The following PLXNA1 variants were observed in gnomAD, a reference collection of about 807,000 sequenced individuals.
PLXNA1 encodes the protein plexin-A1.
In PLXNA1, 77 loss-of-function variants were observed where a neutral mutation model predicts 191.7. That is an observed-to-expected ratio of 0.40 (90% CI 0.33 to 0.49). The LOEUF (loss-of-function observed/expected upper bound fraction) is 0.49. PLXNA1 is among the 20% of genes least tolerant of loss of function. The pLI, the probability that PLXNA1 is intolerant of heterozygous loss-of-function variation, is 0.63. For synonymous variants in PLXNA1, 1,137 were observed against 1,156.4 expected (o/e 0.98, Z 0.34); for missense variants, 2,110 against 2,660.2 (o/e 0.79, Z 4.55).
At chr3:127,008,881 G>A (rs1263817363) in intron 9 of PLXNA1, among the ~76,000 whole-genome samples, 2 of 152,202 alleles carry the variant, frequency 1.3e-5, no homozygotes, top group African/African-American at 4.8e-5. Context: ...ACAGGACAGC[G>A]GTGGAGGGTA....
chr3:127,008,019 G>T, intron 9 of PLXNA1, 106 bp downstream of exon 9: 1 of 672,704 alleles, frequency 1.5e-6, no homozygotes. Flanking sequence ...GAGCACCTGT[G>T]GATGTCTGGG....
At chr3:127,015,155 G>A (rs751714780) in intron 14 of PLXNA1, 29 bp from the exon 15 acceptor site, 4 of 1,595,106 alleles carry the variant, frequency 2.5e-6, no homozygotes, top group Middle Eastern at 3.3e-4. Context: ...ACTTTCCTGA[G>A]AGTTTCAGCA....
At chr3:126,999,522 C>T (rs1576673431) in intron 3 of PLXNA1, among the ~76,000 whole-genome samples, 4 of 152,326 alleles carry the variant, frequency 2.6e-5, no homozygotes, top group Admixed American at 6.5e-5. Context: ...GCGGCTGGGG[C>T]GCGTGCCGGT....
chr3:127,012,234 G>A lies in PLXNA1; in HGVS notation c.2313+76G>A, dbSNP rs185883539. The stretch of plus-strand genomic sequence containing the variant: ...TATCCTCACGGCCCTGGGTCCTGGC[G>A]TGTGCTTGTTCATAAAGGGCAGTGC... On this transcript the variant is annotated intron_variant, in intron 10 of 31. Coordinates refer to ENST00000393409, the MANE Select transcript of PLXNA1 (RefSeq NM_032242.4). 1,500 of 1,470,788 alleles carry A rather than the reference G, an allele frequency of 1.0e-3. 7 individuals carry two copies. In the African/African-American group the frequency reaches 0.014, roughly 14 times the overall value. The allele number at this position is 1,470,788 out of a possible 1,614,324, so 91.1% of individuals were successfully genotyped here.
intron 20 of PLXNA1, 75 bp from the exon 21 acceptor site, chr3:127,020,127 C>T (rs998332046): frequency 4.9e-5 from 76 of 1,562,924 alleles, no homozygotes; most frequent in Middle Eastern, 1.8e-4. Flanking sequence ...TGATGTAGGC[C>T]CCAAGAGTGG....
At position 127,030,272 on chromosome 3, in the gene PLXNA1, G is replaced by A. The variant is rs1347997261; in HGVS notation, c.5091G>A (p.Leu1697=). Residue 1697 remains leucine (L), a synonymous_variant, in exon 29 of 32, where the codon CTG becomes CTA. Transcript: ENST00000393409. ...KGTLQKFVDD[L]FETIFSTAHR... is the part of the protein sequence containing the mutation. Reference sequence around the variant, plus strand: ...CACTGCAGAAGTTTGTGGACGACCTGTTTGAGACCATCTTCAGCACGGCAC... The same window carrying A: ...CACTGCAGAAGTTTGTGGACGACCTATTTGAGACCATCTTCAGCACGGCAC... 1 of 1,613,828 alleles carries A rather than the reference G, an allele frequency of 6.2e-7. No individual in the cohort carries two copies. The highest frequency in any genetic ancestry group is 8.5e-7 in the Non-Finnish European group (1 of 1,179,998).
rs751146476 is a variant in PLXNA1 at position 127,014,166 on chromosome 3, G to T, written c.2411-16G>T. The T allele has an allele frequency of 5.0e-6, 8 of 1,611,798 alleles. No homozygotes were observed. Among genetic ancestry groups the T allele is most frequent in the South Asian group, 1.1e-5 (1 of 91,020 alleles). On this transcript the variant is annotated splice_polypyrimidine_tract_variant and intron_variant, in intron 11 of 31. Coordinates refer to ENST00000393409, the MANE Select transcript of PLXNA1 (RefSeq NM_032242.4). ...GGCAGTGGGCGGGCCCGAGCTGACC[G>T]CACCCCTCCCCACAGCGCACCTCTA... is the stretch of plus-strand genomic sequence containing the variant.
At chr3:127,027,007 G>A (rs1466187414) in intron 23 of PLXNA1, 1 of 159,122 alleles carries the variant, frequency 6.3e-6, no homozygotes, top group Non-Finnish European at 1.4e-5. Context: ...GAGCAGGCCA[G>A]GCAGCTCCCA....
rs749526180 is a variant in PLXNA1 at position 127,016,652 on chromosome 3, C to T, written c.3150C>T (p.Ile1050=). 1.9e-6 allele frequency: 3 copies of T among 1,614,042 alleles called. No individual in the cohort carries two copies. The East Asian group carries it at 6.7e-5, about 36-fold the overall frequency. ...ACAACTACACCGAGGACCCCACCAT[C>T]CTGAGGATCGACCCCGAGTGGAGCA... The part of the protein sequence containing the change: ...VKYNYTEDPT[I]LRIDPEWSIN... Residue 1050 remains isoleucine (I), a synonymous_variant, in exon 16 of 32, where the codon ATC becomes ATT. Transcript: ENST00000393409.
intron 8 of PLXNA1, among the ~76,000 whole-genome samples, chr3:127,007,079 T>G: frequency 6.7e-6 from 1 of 150,322 alleles, no homozygotes; most frequent in Non-Finnish European, 1.5e-5. Flanking sequence ...CCGTCCCAGG[T>G]GGGGTGGGGG....
At position 126,989,557 on chromosome 3, in the gene PLXNA1, C is replaced by T. The variant is rs759440943; in HGVS notation, c.964C>T (p.Arg322Cys). ...VQDAYLSRPG[R>C]ALAHQLGLAE... ...GGATGCCTACCTGAGCCGGCCCGGC[C>T]GTGCCCTGGCCCACCAGCTGGGCCT... Residue 322 changes from arginine (R) to cysteine (C), a missense_variant, in exon 2 of 32, where the codon CGT becomes TGT. This residue lies in a region of PLXNA1 where 903 missense variants were observed against 1,015.7 expected (regional missense o/e 0.89). Transcript: ENST00000393409. 8.7e-6 allele frequency: 14 copies of T among 1,613,114 alleles called. No individual in the cohort carries two copies. Among genetic ancestry groups the T allele is most frequent in the African/African-American group, 6.7e-5 (5 of 74,950 alleles).
At chr3:127,028,730 C>A in intron 25 of PLXNA1, 1 of 555,556 alleles carries the variant, frequency 1.8e-6, no homozygotes, top group Non-Finnish European at 3.2e-6. Flanking sequence ...AGCCTCGGTG[C>A]CAGGCTGAGG....
intron 9 of PLXNA1, among the ~76,000 whole-genome samples, chr3:127,008,724 T>A (rs571380141): frequency 3.3e-5 from 5 of 152,230 alleles, no homozygotes; most frequent in Admixed American, 6.5e-5. Flanking sequence ...GCAGCTGGGC[T>A]GCACTTCCCT....
rs371281283 is a variant in PLXNA1, at chr3:127,022,108, G to C, written c.4062G>C (p.Ser1354=). The stretch of plus-strand genomic sequence containing the variant: ...AGGTGCAGGCCAATGTGGAGAAGTC[G>C]CTGACACTGTTCGGGCAGCTGCTGA... The part of the protein sequence containing the change: ...EMEVQANVEK[S]LTLFGQLLTK... Residue 1354 remains serine (S), a synonymous_variant, in exon 22 of 32, where the codon TCG becomes TCC. Transcript: ENST00000393409. The C allele has an allele frequency of 6.2e-7, 1 of 1,613,006 alleles. No individual in the cohort carries two copies. The highest frequency in any genetic ancestry group is 1.7e-5 in the Admixed American group (1 of 60,020).
Position 127,030,324 on chromosome 3 carries a change from A to G in PLXNA1, c.5143A>G (p.Ile1715Val), listed in dbSNP as rs776047301. ...CCGGGGCTCAGCCCTGCCGCTGGCC[A>G]TCAAGTACATGTTCGACTTCCTGGA... ...AHRGSALPLA[I>V]KYMFDFLDEQ... The change falls in exon 29 of 32, where the codon ATC becomes GTC. Residue 1715 changes from isoleucine (I) to valine (V), a missense_variant. Physicochemically the swap from Ile to Val is conservative, Grantham distance 29. Transcript: ENST00000393409. 2 of 1,614,032 alleles carry G rather than the reference A, an allele frequency of 1.2e-6. No homozygotes were observed. The highest frequency in any genetic ancestry group is 1.7e-6 in the Non-Finnish European group (2 of 1,180,028).
At position 126,988,989 on chromosome 3, in the gene PLXNA1, C is replaced by T. The variant is rs755191074; in HGVS notation, c.396C>T (p.Ser132=). 19 of 1,613,046 alleles carry T rather than the reference C, an allele frequency of 1.2e-5. No individual in the cohort carries two copies. Among genetic ancestry groups the T allele is most frequent in the Admixed American group, 6.7e-5 (4 of 60,012 alleles). The change falls in exon 2 of 32, where the codon AGC becomes AGT. Residue 132 remains serine, a synonymous_variant. Transcript: ENST00000393409. The stretch of plus-strand genomic sequence containing the variant: ...CTAACCGCCTGCTGGCCTGTGGCAG[C>T]GCCTCCCAGGGCATCTGCCAGTTCC... The part of the protein sequence containing the change: ...YAANRLLACG[S]ASQGICQFLR...
In PLXNA1 at chr3:126,988,873, A is replaced by C. The variant is rs752167968; in HGVS notation, c.280A>C (p.Lys94Gln). The C allele has an allele frequency of 6.2e-7, 1 of 1,613,300 alleles. No homozygotes were observed. Among genetic ancestry groups the C allele is most frequent in the Non-Finnish European group, 8.5e-7 (1 of 1,179,996 alleles). ...HVTGPVEDNEKCYPPPSVQSC... is the reference protein window; with the variant it reads ...HVTGPVEDNEQCYPPPSVQSC... ...CACGGGCCCTGTGGAGGACAACGAG[A>C]AGTGCTACCCGCCGCCCAGCGTGCA... Residue 94 changes from lysine to glutamine, a missense_variant, in exon 2 of 32, where the codon AAG becomes CAG. By Grantham distance (53) the Lys-to-Gln change is moderately conservative. Coordinates refer to ENST00000393409, the MANE Select transcript of PLXNA1 (RefSeq NM_032242.4).
Position 126,991,554 on chromosome 3 carries a change from C to A in PLXNA1, c.1365C>A (p.Gly455=). 1 of 1,576,934 alleles carries A rather than the reference C, an allele frequency of 6.3e-7. No homozygotes were observed. ...RTVVFAGTRS[G]RIRKILVDLS... ...TGGTATTCGCCGGCACGCGAAGTGG[C>A]CGCATCCGCAAGGTCAGGCCTGGGT... Residue 455 remains glycine, a synonymous_variant, in exon 3 of 32, where the codon GGC becomes GGA. Transcript: ENST00000393409.
At chr3:126,990,967 G>T (rs1479135423) in intron 2 of PLXNA1, among the ~76,000 whole-genome samples, 1 of 152,052 alleles carries the variant, frequency 6.6e-6, no homozygotes, top group Non-Finnish European at 1.5e-5. Flanking sequence ...ATTCCATGTG[G>T]CCTAGCCCTG....
Sources: gnomAD v4.1 joint callset for allele counts (sites outside exome capture counted in the v4.1 genomes callset) on GRCh38, gnomAD v4.1.1 for gene constraint, gnomAD v4.1.1 regional missense constraint, MANE v1.5 for transcripts, NCBI Gene and HGNC (gene_info 2026-07-23, HGNC 2026-07-21) for gene names.